The following PTCHD4 variants were observed in gnomAD, a reference collection of about 807,000 sequenced individuals.
The protein encoded by PTCHD4 is patched domain containing 4.
In PTCHD4, 33 loss-of-function variants were observed where a neutral mutation model predicts 58.1. The ratio of observed to expected loss-of-function variants is 0.57; its 90% CI spans 0.43 to 0.76. The LOEUF (loss-of-function observed/expected upper bound fraction) is 0.76. Ranked by LOEUF, PTCHD4 falls within the 30% of genes least tolerant of loss-of-function variation. The pLI is 0.00. For missense variants in PTCHD4, 1,058 were observed against 1,027.1 expected, an observed-to-expected ratio of 1.03 and a Z score of -0.41; for synonymous variants, 478 against 409.6, an observed-to-expected ratio of 1.17 and a Z score of -2.02.
chr6:47,950,275 C>T (rs1229670259), intron 4 of PTCHD4, among the ~76,000 whole-genome samples: 2 of 152,086 alleles, frequency 1.3e-5, no homozygotes, highest in East Asian at 3.9e-4. Flanking sequence ...ATATAAATTA[C>T]ACCTTAAAGA....
At chr6:47,945,863 C>A (rs2113934621) in intron 4 of PTCHD4, among the ~76,000 whole-genome samples, 1 of 151,472 alleles carries the variant, frequency 6.6e-6, no homozygotes, top group Non-Finnish European at 1.5e-5. Flanking sequence ...TCTTAGTGAC[C>A]TTATATTTTA....
At chr6:48,107,143 G>T (rs1765748231) in intron 1 of PTCHD4, among the ~76,000 whole-genome samples, 2 of 152,100 alleles carry the variant, frequency 1.3e-5, no homozygotes, top group African/African-American at 4.8e-5. Context: ...ACATCACCAA[G>T]TCAATCCTAA....
chr6:47,861,082 C>T lies in PTCHD4; in HGVS notation c.*17221G>A, dbSNP rs537224098. 5.4e-4 allele frequency among the ~76,000 whole-genome samples: 82 copies of T among 151,870 alleles called. No individual in the cohort carries two copies. Among genetic ancestry groups the T allele is most frequent in the Non-Finnish European group, 1.1e-3 (77 of 67,902 alleles). ...AATTATTGAGCTCTCCCAATCCCTCCAGTGCTAAATTTCAAACATGTTGGA... is the reference window on the plus strand; with the variant it reads ...AATTATTGAGCTCTCCCAATCCCTCTAGTGCTAAATTTCAAACATGTTGGA... On this transcript the variant is annotated 3_prime_UTR_variant, in exon 5 of 5. Coordinates refer to ENST00000339488, the MANE Select transcript of PTCHD4 (RefSeq NM_001384253.1).
intron 3 of PTCHD4, among the ~76,000 whole-genome samples, chr6:48,037,182 T>TGA (rs1240558114): frequency 1.3e-5 from 2 of 152,012 alleles, no homozygotes; most frequent in African/African-American, 2.4e-5. Context: ...TAAGATATTT[T>TGA]GAGAGAGAGA....
intron 4 of PTCHD4, among the ~76,000 whole-genome samples, chr6:47,909,635 G>T (rs572239237): frequency 1.3e-5 from 2 of 152,022 alleles, no homozygotes; most frequent in African/African-American, 4.8e-5. Flanking sequence ...TAGAGACAGG[G>T]TATCACTATA....
intron 4 of PTCHD4, chr6:47,900,738 G>A (rs1581848774): frequency 6.6e-6 from 1 of 152,312 alleles, no homozygotes; most frequent in Admixed American, 6.5e-5. Flanking sequence ...AATGTTGTTA[G>A]AGTTTGTCAA....
At chr6:47,970,832 CA>C (rs1767480205) in intron 4 of PTCHD4, among the ~76,000 whole-genome samples, 1 of 152,190 alleles carries the variant, frequency 6.6e-6, no homozygotes. Context: ...ATTACAAATG[CA>C]AATTTTCAGA....
intron 4 of PTCHD4, among the ~76,000 whole-genome samples, chr6:47,932,368 C>G (rs1765851838): frequency 6.6e-6 from 1 of 152,108 alleles, no homozygotes; most frequent in Non-Finnish European, 1.5e-5. Flanking sequence ...TTGTCAAGAG[C>G]AAAGATGGGG....
At chr6:48,016,272 G>A (rs898718524) in intron 3 of PTCHD4, among the ~76,000 whole-genome samples, 2 of 151,868 alleles carry the variant, frequency 1.3e-5, no homozygotes, top group Non-Finnish European at 2.9e-5. Context: ...AGGCAGCAGG[G>A]CCTCTTCAGT....
intron 4 of PTCHD4, among the ~76,000 whole-genome samples, chr6:47,948,419 C>A (rs1766502275): frequency 6.6e-6 from 1 of 152,170 alleles, no homozygotes; most frequent in Admixed American, 6.5e-5. Context: ...GCAAGCCCCA[C>A]CCACCCTCAA....
chr6:47,880,413 T>C (rs1763985733), intron 4 of PTCHD4, among the ~76,000 whole-genome samples: 1 of 152,174 alleles, frequency 6.6e-6, no homozygotes, highest in Non-Finnish European at 1.5e-5. Context: ...TAAAAGTATG[T>C]TAAACACTTA....
chr6:47,893,890 G>A (rs907306175), intron 4 of PTCHD4, among the ~76,000 whole-genome samples: 1 of 152,130 alleles, frequency 6.6e-6, no homozygotes, highest in African/African-American at 2.4e-5. Context: ...ATTAACAAAG[G>A]GTTTAGTTAA....
chr6:47,884,737 T>C (rs1008393045), intron 4 of PTCHD4, among the ~76,000 whole-genome samples: 3 of 152,230 alleles, frequency 2.0e-5, no homozygotes, highest in Admixed American at 6.5e-5. Context: ...TTACCTAATA[T>C]ATAAAGAGGA....
chr6:48,080,180 A>G (rs961414961), intron 1 of PTCHD4, among the ~76,000 whole-genome samples: 2 of 151,316 alleles, frequency 1.3e-5, no homozygotes, highest in African/African-American at 2.5e-5. Flanking sequence ...TTGACATTCA[A>G]AAATTTAGTC....
At chr6:47,928,768 A>G (rs532521198) in intron 4 of PTCHD4, among the ~76,000 whole-genome samples, 8 of 152,074 alleles carry the variant, frequency 5.3e-5, no homozygotes, top group Non-Finnish European at 1.2e-4. Flanking sequence ...AGGATAAGAA[A>G]CATGTCTTGA....
At chr6:48,080,841 C>T (rs866260406) in intron 1 of PTCHD4, among the ~76,000 whole-genome samples, 4 of 152,136 alleles carry the variant, frequency 2.6e-5, no homozygotes, top group Admixed American at 1.3e-4. Flanking sequence ...TTGTTTGGCC[C>T]TCCTAGCTGC....
At chr6:48,057,167 G>A (rs1272243370) in intron 3 of PTCHD4, among the ~76,000 whole-genome samples, 3 of 150,100 alleles carry the variant, frequency 2.0e-5, no homozygotes, top group East Asian at 3.9e-4. Context: ...CTCTTCTGGC[G>A]GCGGTTTTTT....
chr6:47,978,459 GT>G (rs1561987889), intron 4 of PTCHD4, among the ~76,000 whole-genome samples: 1 of 152,046 alleles, frequency 6.6e-6, no homozygotes, highest in Non-Finnish European at 1.5e-5. Flanking sequence ...CTATATCTTA[GT>G]TTCATAATAT....
intron 4 of PTCHD4, among the ~76,000 whole-genome samples, chr6:47,959,133 A>C (rs1766982814): frequency 6.6e-6 from 1 of 152,242 alleles, no homozygotes; most frequent in South Asian, 2.1e-4. Context: ...AGTTTAAACT[A>C]AACCAGAAGT....
Sources: allele counts gnomAD v4.1 joint callset (sites outside exome capture counted in the v4.1 genomes callset), GRCh38; gene constraint gnomAD v4.1.1; transcripts MANE v1.5; gene names NCBI Gene and HGNC (gene_info 2026-07-23, HGNC 2026-07-21).